DTHD1: variants seen among roughly 807,000 people sequenced by gnomAD.
DTHD1 encodes death domain-containing protein 1.
A neutral mutation model predicts 74.8 loss-of-function variants in DTHD1; 59 were observed. The observed-to-expected ratio is 0.79, with a 90% CI of 0.64 to 0.98. The LOEUF (loss-of-function observed/expected upper bound fraction) is 0.98, where lower values mean the gene tolerates loss of function less well. Ranked by LOEUF, DTHD1 falls within the 50% of genes least tolerant of loss-of-function variation. The pLI is 0.00. For synonymous variants in DTHD1, 365 were observed against 371.1 expected, an observed-to-expected ratio of 0.98 and a Z score of 0.19; for missense variants, 1,051 against 1,065.4, an observed-to-expected ratio of 0.99 and a Z score of 0.19.
At position 36,316,489 on chromosome 4, in the gene DTHD1, G is replaced by A. The variant is rs1471673437; in HGVS notation, c.2340+3G>A. 3.9e-6 allele frequency: 6 copies of A among 1,544,434 alleles called. No individual in the cohort carries two copies. The highest frequency in any genetic ancestry group is 5.2e-6 in the Non-Finnish European group (6 of 1,144,968). Reference sequence around the variant, plus strand: ...AATTACCATTGAAATTGCCAAAGGTGAGTTATTTTACTTTTCTAATTACTA... The same window carrying A: ...AATTACCATTGAAATTGCCAAAGGTAAGTTATTTTACTTTTCTAATTACTA... On this transcript the variant is annotated splice_donor_region_variant and intron_variant, in intron 8 of 9. Transcript: ENST00000639862.
At chr4:36,337,084 T>C (rs1477252372) in intron 8 of DTHD1, among the ~76,000 whole-genome samples, 4 of 152,076 alleles carry the variant, frequency 2.6e-5, no homozygotes, top group Middle Eastern at 3.2e-3. Context: ...ACTGTTCTGC[T>C]TGTAGCTGAC....
intron 1 of DTHD1, among the ~76,000 whole-genome samples, chr4:36,283,587 T>C (rs140803917): frequency 8.2e-4 from 125 of 152,338 alleles, no homozygotes; most frequent in African/African-American, 2.7e-3. Flanking sequence ...GGATCATTGA[T>C]AAACTATTGT....
chr4:36,295,250 TGGAGACAATAAGAACTCTA>T (rs1756330497), intron 5 of DTHD1, among the ~76,000 whole-genome samples: 2 of 152,126 alleles, frequency 1.3e-5, no homozygotes, highest in African/African-American at 4.8e-5. Flanking sequence ...AAGATAAAGA[TGGAGACAATAAGAACTCTA>T]GCAGAAATGC....
chr4:36,332,211 A>ATAAAG (rs1758726781), intron 8 of DTHD1, among the ~76,000 whole-genome samples: 1 of 29,662 alleles, frequency 3.4e-5, no homozygotes, highest in Non-Finnish European at 8.5e-5. Context: ...ATAAAATAAA[A>ATAAAG]TAAAATAAAA....
chr4:36,332,574 T>C (rs1187962346), intron 8 of DTHD1, among the ~76,000 whole-genome samples: 1 of 148,906 alleles, frequency 6.7e-6, no homozygotes, highest in East Asian at 1.9e-4. Flanking sequence ...TGCACATGTT[T>C]CTACAGTGAC....
chr4:36,346,801 C>T lies in DTHD1; in HGVS notation c.*2977C>T, dbSNP rs1354902619. Among the ~76,000 whole-genome samples, 5 of 152,048 alleles carry T rather than the reference C, an allele frequency of 3.3e-5. No individual in the cohort carries two copies. Among genetic ancestry groups the T allele is most frequent in the Non-Finnish European group, 7.4e-5 (5 of 67,998 alleles). ...GCCTGGCTGTGTCCCTGGCCTGCAA[C>T]CACTGCTCCTCTCAAGAAGGCCACC... On this transcript the variant is annotated 3_prime_UTR_variant, in exon 10 of 10. Coordinates refer to ENST00000639862, the MANE Select transcript of DTHD1 (RefSeq NM_001170700.3).
At chr4:36,314,719 C>T (rs1054437780) in intron 7 of DTHD1, among the ~76,000 whole-genome samples, 135 of 142,112 alleles carry the variant, frequency 9.5e-4, no homozygotes, top group Non-Finnish European at 1.6e-3. Flanking sequence ...AAAAAAGCTT[C>T]GTCTTGACAT....
chr4:36,325,160 G>A (rs1758268902), intron 8 of DTHD1, among the ~76,000 whole-genome samples: 1 of 152,190 alleles, frequency 6.6e-6, no homozygotes, highest in South Asian at 2.1e-4. Context: ...AAATGACTCT[G>A]TAGTTGTGGT....
chr4:36,304,490 A>T (rs759739848), intron 5 of DTHD1, among the ~76,000 whole-genome samples: 46 of 152,240 alleles, frequency 3.0e-4, no homozygotes, highest in Non-Finnish European at 1.0e-4. Context: ...TATGGGTCAT[A>T]GGACAGGTCA....
chr4:36,319,357 G>A (rs377192774), intron 8 of DTHD1, among the ~76,000 whole-genome samples: 3 of 152,176 alleles, frequency 2.0e-5, no homozygotes, highest in Admixed American at 6.5e-5. Context: ...TGACTTGAAG[G>A]AATACTCAAA....
Position 36,343,654 on chromosome 4 carries a change from T to C in DTHD1, c.2551T>C (p.Phe851Leu). 1 of 1,551,692 alleles carries C rather than the reference T, an allele frequency of 6.4e-7. No homozygotes were observed. The highest frequency in any genetic ancestry group is 1.4e-5 in the African/African-American group (1 of 73,062). ...PDDLTEQIHEFLCFWKKSLPT... is the reference protein window; with the variant it reads ...PDDLTEQIHELLCFWKKSLPT... ...TGATCTCACAGAACAGATCCACGAG[T>C]TTCTTTGCTTCTGGAAAAAATCGCT... The change falls in exon 10 of 10, where the codon TTT (phenylalanine) becomes CTT (leucine). Residue 851 changes from phenylalanine (F) to leucine (L), a missense_variant. Phe to Leu is a conservative substitution (Grantham distance 22, BLOSUM62 0). Transcript: ENST00000639862.
At chr4:36,337,549 T>C (rs534405113) in intron 8 of DTHD1, among the ~76,000 whole-genome samples, 2 of 152,252 alleles carry the variant, frequency 1.3e-5, no homozygotes, top group South Asian at 4.1e-4. Context: ...TTAGTATTTC[T>C]TTCTCAATAT....
chr4:36,327,198 C>T lies in DTHD1; in HGVS notation c.2340+10712C>T, dbSNP rs575922322. ...GTCAGACTGGTCTCGAACTCCTGACCTCAGGTGATCCACCTGCCTTGGCCT... is the reference window on the plus strand; with the variant it reads ...GTCAGACTGGTCTCGAACTCCTGACTTCAGGTGATCCACCTGCCTTGGCCT... On this transcript the variant is annotated intron_variant, in intron 8 of 9. Transcript: ENST00000639862. Among the ~76,000 whole-genome samples, 8 of 152,226 alleles carry T rather than the reference C, an allele frequency of 5.3e-5. 1 individual carries two copies. The South Asian group carries it at 1.5e-3, about 28-fold the overall frequency.
intron 5 of DTHD1, among the ~76,000 whole-genome samples, chr4:36,299,225 A>G: frequency 6.6e-6 from 1 of 152,198 alleles, no homozygotes; most frequent in Non-Finnish European, 1.5e-5. Context: ...TATAGGTTAA[A>G]GTTGAGTAAC....
intron 3 of DTHD1, among the ~76,000 whole-genome samples, chr4:36,291,887 T>G (rs1047366386): frequency 1.3e-5 from 2 of 152,196 alleles, no homozygotes; most frequent in Non-Finnish European, 2.9e-5. Flanking sequence ...CTTAAAGTTT[T>G]TCTTTGGGCC....
chr4:36,311,232 G>A (rs1757389167), intron 7 of DTHD1: 1 of 152,178 alleles, frequency 6.6e-6, no homozygotes, highest in African/African-American at 2.4e-5. Flanking sequence ...GGGAAAATGA[G>A]CAGGCAGGAT....
intron 9 of DTHD1, among the ~76,000 whole-genome samples, chr4:36,339,657 T>C (rs753169074): frequency 6.6e-5 from 10 of 152,228 alleles, no homozygotes; most frequent in Non-Finnish European, 1.2e-4. Context: ...AGGGTAGAAT[T>C]GGAAACTTTT....
At chr4:36,336,996 A>T (rs1759044501) in intron 8 of DTHD1, among the ~76,000 whole-genome samples, 1 of 152,120 alleles carries the variant, frequency 6.6e-6, no homozygotes. Flanking sequence ...GTTTCTGCTA[A>T]GGAAGGCATC....
intron 8 of DTHD1, among the ~76,000 whole-genome samples, chr4:36,317,829 A>G (rs1272875960): frequency 6.6e-6 from 1 of 152,220 alleles, no homozygotes; most frequent in African/African-American, 2.4e-5. Context: ...GCTTTTTTAT[A>G]ATCTGTAACC....
Sources: allele counts gnomAD v4.1 joint callset (sites outside exome capture counted in the v4.1 genomes callset), GRCh38; gene constraint gnomAD v4.1.1; transcripts MANE v1.5; gene names NCBI Gene and HGNC (gene_info 2026-07-23, HGNC 2026-07-21).